Variants in MOV10L1 observed in about 807,000 individuals in gnomAD.
MOV10L1 encodes Mov10 like RNA helicase 1.
A neutral mutation model predicts 143.8 loss-of-function variants in MOV10L1; 110 were observed. The observed-to-expected ratio is 0.76, with a 90% CI of 0.66 to 0.90. MOV10L1 has a LOEUF of 0.90. Among genes scored for constraint, MOV10L1 ranks in the 40% least tolerant of loss-of-function variants. The pLI is 0.00. For missense variants in MOV10L1, 1,406 were observed against 1,526.8 expected (o/e 0.92, Z 1.32); for synonymous variants, 593 against 581.1 (o/e 1.02, Z -0.29).
intron 11 of MOV10L1, 86 bp downstream of exon 11, chr22:50,125,655 C>T (rs2062478472): frequency 7.5e-7 from 1 of 1,333,894 alleles, no homozygotes; most frequent in East Asian, 2.3e-5. Flanking sequence ...GGCAATATGA[C>T]AGTCACATTA....
At chr22:50,128,083 C>T (rs2062564015) in intron 12 of MOV10L1, among the ~76,000 whole-genome samples, 1 of 152,078 alleles carries the variant, frequency 6.6e-6, no homozygotes, top group African/African-American at 2.4e-5. Flanking sequence ...ACCTTCTTAT[C>T]GAGGCTTCCT....
Position 50,090,198 on chromosome 22 carries a change from A to G in MOV10L1, c.97+13A>G. ...GAGCTCGCGGAAGGTGGCTCGCGGG[A>G]GGCGGCTGGGAGGCGGGTCCCGGGC... On this transcript the variant is annotated intron_variant, in intron 1 of 26. Transcript: ENST00000262794. 2 of 1,412,838 alleles carry G rather than the reference A, an allele frequency of 1.4e-6. No homozygotes were observed. The highest frequency in any genetic ancestry group is 1.8e-6 in the Non-Finnish European group (2 of 1,084,610). The allele number at this position is 1,412,838 out of a possible 1,614,324, so 87.5% of individuals were successfully genotyped here. A position where few individuals can be genotyped will look rare whatever the true frequency, so the allele number is the denominator to read the frequency against.
chr22:50,129,547 T>TTTGCTGC (rs2062612814), intron 13 of MOV10L1, among the ~76,000 whole-genome samples: 1 of 152,220 alleles, frequency 6.6e-6, no homozygotes, highest in Non-Finnish European at 1.5e-5. Flanking sequence ...TTGTTTGCTG[T>TTTGCTGC]TACGATTGTT....
At chr22:50,103,071 G>T (rs1198850587) in intron 3 of MOV10L1, among the ~76,000 whole-genome samples, 1 of 152,156 alleles carries the variant, frequency 6.6e-6, no homozygotes, top group Non-Finnish European at 1.5e-5. Flanking sequence ...GGTAATGCCA[G>T]CCGGCCTGGG....
Position 50,161,502 on chromosome 22 carries a change from G to C in MOV10L1, c.*53G>C. The C allele has an allele frequency of 6.6e-7, 1 of 1,514,952 alleles. No homozygotes were observed. The highest frequency in any genetic ancestry group is 8.9e-7 in the Non-Finnish European group (1 of 1,118,166). 93.8% of individuals were successfully genotyped at this position (1,514,952 alleles called of 1,614,324 possible). A position where few individuals can be genotyped will look rare whatever the true frequency, so the allele number is the denominator to read the frequency against. On this transcript the variant is annotated 3_prime_UTR_variant, in exon 27 of 27. Transcript: ENST00000262794. ...ATGTGCTCAGCCTGGCCACGTTGCC[G>C]TTACAGTCTGCTCCGTGGCTCCTGT...
At chr22:50,098,360 C>T (rs748546289) in intron 2 of MOV10L1, among the ~76,000 whole-genome samples, 22 of 149,766 alleles carry the variant, frequency 1.5e-4, no homozygotes, top group African/African-American at 3.9e-4. Flanking sequence ...TTCATGAACG[C>T]GGTTGTCTTG....
chr22:50,099,446 G>T lies in MOV10L1; in HGVS notation c.286G>T (p.Glu96Ter), dbSNP rs758912625. The T allele has an allele frequency of 1.2e-6, 2 of 1,613,788 alleles. No individual in the cohort carries two copies. The highest frequency in any genetic ancestry group is 1.7e-6 in the Non-Finnish European group (2 of 1,179,762). The part of the protein sequence containing the change: ...VSNGLKAIRV[E>*]AVSDKWEDDS... ...GAGCGGTGTGTTTGTTTTACAGGTA[G>T]AAGCTGTCTCTGATAAGTGGGAAGA... is the stretch of plus-strand genomic sequence containing the variant. The change falls in exon 3 of 27, where the codon GAA becomes TAA. Residue 96 changes from glutamate to a stop codon, truncating the protein, a stop_gained. Coordinates refer to ENST00000262794, the MANE Select transcript of MOV10L1 (RefSeq NM_018995.3). LOFTEE classifies it high-confidence loss of function.
chr22:50,152,959 G>A lies in MOV10L1; in HGVS notation c.2893-86G>A, dbSNP rs544461219. 47 of 1,383,832 alleles carry A rather than the reference G, an allele frequency of 3.4e-5. No homozygotes were observed. In the South Asian group the frequency reaches 4.9e-4, roughly 14 times the overall value. The allele number at this position is 1,383,832 out of a possible 1,614,324, so 85.7% of individuals were successfully genotyped here. On this transcript the variant is annotated intron_variant, in intron 21 of 26. Coordinates refer to ENST00000262794, the MANE Select transcript of MOV10L1 (RefSeq NM_018995.3). This position sits in a 1 kb window ranked among gnomAD's most constrained non-coding sequence, Gnocchi z 4.4. Reference sequence around the variant, plus strand: ...GGCTTGGAAGTCAGGCAGGCCTCACGTTTGCTGTGCAGAGCCGCTTTTCGT... The same window carrying A: ...GGCTTGGAAGTCAGGCAGGCCTCACATTTGCTGTGCAGAGCCGCTTTTCGT...
At chr22:50,133,469 A>G (rs1296439954) in intron 13 of MOV10L1, among the ~76,000 whole-genome samples, 1 of 149,578 alleles carries the variant, frequency 6.7e-6, no homozygotes, top group African/African-American at 2.5e-5. Context: ...AAAAAAAAAA[A>G]AAGAAAGAAA....
intron 17 of MOV10L1, among the ~76,000 whole-genome samples, chr22:50,143,777 C>T (rs955325787): frequency 7.2e-5 from 11 of 152,236 alleles, no homozygotes; most frequent in South Asian, 2.1e-4. Flanking sequence ...TAGCGTCATT[C>T]AGGATTCAAA....
intron 1 of MOV10L1, chr22:50,090,546 G>A (rs750062613): frequency 1.3e-6 from 2 of 1,596,122 alleles, no homozygotes; most frequent in Admixed American, 1.7e-5. Context: ...ACGCGGCCCC[G>A]CAGACTTGGC....
chr22:50,143,511 C>G (rs111946446), intron 17 of MOV10L1, among the ~76,000 whole-genome samples: 11 of 152,310 alleles, frequency 7.2e-5, no homozygotes, highest in African/African-American at 2.6e-4. Flanking sequence ...AGCCACCATT[C>G]CACAGAAGTT....
intron 13 of MOV10L1, 121 bp downstream of exon 13, chr22:50,128,628 T>A (rs1022996564): frequency 1.7e-6 from 1 of 590,422 alleles, no homozygotes; most frequent in African/African-American, 2.1e-5. Context: ...CACTGCAACC[T>A]CCGCCTCCCA....
chr22:50,156,882 C>T (rs113433469), intron 22 of MOV10L1, among the ~76,000 whole-genome samples: 13 of 152,274 alleles, frequency 8.5e-5, no homozygotes, highest in African/African-American at 2.6e-4. Flanking sequence ...GGTACATACC[C>T]GGAAGTGGAA....
chr22:50,109,600 G>T (rs1233404717), intron 5 of MOV10L1: 1 of 153,444 alleles, frequency 6.5e-6, no homozygotes, highest in Non-Finnish European at 1.4e-5. Flanking sequence ...GAACCCGGGA[G>T]GTGGAGCTTG....
chr22:50,128,691 C>A (rs1329745930), intron 13 of MOV10L1, among the ~76,000 whole-genome samples, 184 bp downstream of exon 13: 1 of 151,228 alleles, frequency 6.6e-6, no homozygotes, highest in Non-Finnish European at 1.5e-5. Context: ...ACTACAGGTG[C>A]CTGCCACCAC....
At chr22:50,133,773 A>G (rs1169773970) in intron 13 of MOV10L1, among the ~76,000 whole-genome samples, 2 of 151,962 alleles carry the variant, frequency 1.3e-5, no homozygotes, top group East Asian at 1.9e-4. Flanking sequence ...CGAACTCCTG[A>G]CCTCAGGTGA....
At chr22:50,137,736 AT>A (rs2147308206) in intron 15 of MOV10L1, among the ~76,000 whole-genome samples, 1 of 111,664 alleles carries the variant, frequency 9.0e-6, no homozygotes, top group East Asian at 2.0e-4. Context: ...ACATATATAT[AT>A]TTTATATATA....
chr22:50,090,055 C>T lies in MOV10L1; in HGVS notation c.-34C>T, dbSNP rs1352547157. On this transcript the variant is annotated 5_prime_UTR_variant, in exon 1 of 27. Transcript: ENST00000262794. ...CGCGGGCGCGTGCGGGCGGCGGCAGCGGCGGTGACGGCAGCCTAGGCCGGG... is the reference window on the plus strand; with the variant it reads ...CGCGGGCGCGTGCGGGCGGCGGCAGTGGCGGTGACGGCAGCCTAGGCCGGG... 3 of 1,166,228 alleles carry T rather than the reference C, an allele frequency of 2.6e-6. No homozygotes were observed. The highest frequency in any genetic ancestry group is 2.1e-6 in the Non-Finnish European group (2 of 952,228). 72.2% of individuals were successfully genotyped at this position (1,166,228 alleles called of 1,614,324 possible). A position where few individuals can be genotyped will look rare whatever the true frequency, so the allele number is the denominator to read the frequency against.
Sources: allele counts gnomAD v4.1 joint callset (sites outside exome capture counted in the v4.1 genomes callset), GRCh38; gene constraint gnomAD v4.1.1; non-coding constraint Gnocchi (gnomAD v3.1); transcripts MANE v1.5; gene names NCBI Gene and HGNC (gene_info 2026-07-23, HGNC 2026-07-21).